FBXL2: variants seen among roughly 807,000 people sequenced by gnomAD.
The protein encoded by FBXL2 is F-box/LRR-repeat protein 2.
Under a neutral mutation model 69.2 loss-of-function variants are expected in FBXL2, and 38 were observed. The ratio of observed to expected loss-of-function variants is 0.55; its 90% confidence interval spans 0.42 to 0.72. The LOEUF (loss-of-function observed/expected upper bound fraction) is 0.72, where lower values mean the gene tolerates loss of function less well. Ranked by LOEUF, FBXL2 falls within the 30% of genes least tolerant of loss-of-function variation. The pLI is 0.00. For missense variants in FBXL2, 354 were observed against 520.3 expected, an observed-to-expected ratio of 0.68 and a Z score of 3.11; for synonymous variants, 192 against 201.3, an observed-to-expected ratio of 0.95 and a Z score of 0.39.
chr3:33,363,308 A>G (rs1476225226), intron 4 of FBXL2, among the ~76,000 whole-genome samples: 2 of 152,174 alleles, frequency 1.3e-5, no homozygotes, highest in African/African-American at 2.4e-5. Context: ...CCCAAAGTGC[A>G]GGGATTACAG....
At chr3:33,289,477 A>G (rs1032118967) in intron 1 of FBXL2, among the ~76,000 whole-genome samples, 1 of 152,218 alleles carries the variant, frequency 6.6e-6, no homozygotes, top group African/African-American at 2.4e-5. Context: ...ATCAGAGTTG[A>G]CACAAAAAAA....
At position 33,400,287 on chromosome 3, in the gene FBXL2, TAAC is replaced by T. The variant is rs1227770267; in HGVS notation, n.1215-2944_1215-2942del. The T allele has an allele frequency of 4.4e-6, 7 of 1,589,138 alleles. No homozygotes were observed. In the Admixed American group the frequency reaches 1.1e-4, roughly 26 times the overall value. The stretch of plus-strand genomic sequence containing the variant: ...CGTAGCTGAAGGCTGAATTTGCTAT[TAAC>T]AATGAAAATGAACATAAATAAAAGG... On this transcript the variant is annotated intron_variant and non_coding_transcript_variant, in intron 12 of 12. Coordinates refer to the FBXL2 transcript ENST00000463736.
chr3:33,303,513 C>T (rs2036464601), intron 2 of FBXL2, among the ~76,000 whole-genome samples: 2 of 152,048 alleles, frequency 1.3e-5, no homozygotes, highest in Non-Finnish European at 1.5e-5. Flanking sequence ...TGCCATGAAA[C>T]ATCAATAGAG....
intron 1 of FBXL2, chr3:33,289,935 A>ATGAT (rs2035054298): frequency 3.7e-6 from 1 of 267,166 alleles, no homozygotes; most frequent in Non-Finnish European, 5.8e-6. Flanking sequence ...AAATCTCTTT[A>ATGAT]TGATTATCTA....
At chr3:33,344,110 CA>C (rs1357244272) in intron 2 of FBXL2, among the ~76,000 whole-genome samples, 4 of 143,914 alleles carry the variant, frequency 2.8e-5, no homozygotes, top group Non-Finnish European at 3.1e-5. Context: ...ACTCATAATA[CA>C]AAAAAAAAGA....
chr3:33,303,871 A>G lies in FBXL2; in HGVS notation c.65+6146A>G, dbSNP rs1317126298. Among the ~76,000 whole-genome samples the G allele has an allele frequency of 2.0e-5, 3 of 152,084 alleles. No homozygotes were observed. In the East Asian group the frequency reaches 5.8e-4, roughly 29 times the overall value. ...ATACAAATGGCTAATAAATGTATAA[A>G]CAGATGCTCAACAAGGCCCATATTT... On this transcript the variant is annotated intron_variant, in intron 2 of 14. Coordinates refer to ENST00000484457, the MANE Select transcript of FBXL2 (RefSeq NM_012157.5).
downstream of FBXL2, chr3:33,392,292 C>T (rs1051657677): frequency 2.3e-5 from 8 of 342,144 alleles, no homozygotes; most frequent in South Asian, 5.0e-4. Flanking sequence ...ATCCACTGAG[C>T]GACAGAAGCA....
intron 2 of FBXL2, among the ~76,000 whole-genome samples, chr3:33,323,556 G>A (rs1394188383): frequency 1.3e-5 from 2 of 152,010 alleles, no homozygotes; most frequent in African/African-American, 2.4e-5. Context: ...GAGAACAGGC[G>A]GTGTTTGGTT....
the FBXL2 span, chr3:33,412,871 G>A: frequency 1.9e-5 from 25 of 1,296,172 alleles, no homozygotes; most frequent in Middle Eastern, 7.4e-4. Flanking sequence ...AACTGCTCCA[G>A]CTAAAATGCA....
At chr3:33,401,727 A>G (rs926139020) in intron 12 of FBXL2, among the ~76,000 whole-genome samples, 2 of 152,216 alleles carry the variant, frequency 1.3e-5, no homozygotes, top group African/African-American at 4.8e-5. Context: ...TTTGGGCACT[A>G]ATGTATCAGA....
intron 13 of FBXL2, among the ~76,000 whole-genome samples, chr3:33,379,622 CT>C (rs934164341): frequency 1.1e-3 from 162 of 143,076 alleles, no homozygotes; most frequent in Middle Eastern, 3.6e-3. Flanking sequence ...CCCAAAACAA[CT>C]TTTTTTTTTT....
chr3:33,367,216 A>C (rs927601686), intron 5 of FBXL2, among the ~76,000 whole-genome samples: 2 of 151,882 alleles, frequency 1.3e-5, no homozygotes, highest in African/African-American at 4.8e-5. Context: ...CAAGTAGCTG[A>C]GATTACAGTC....
chr3:33,385,453 TA>T, intron 14 of FBXL2, 47 bp from the exon 15 acceptor site: 1 of 1,476,310 alleles, frequency 6.8e-7, no homozygotes, highest in Non-Finnish European at 9.5e-7. Flanking sequence ...ACTATAATCC[TA>T]AAAATAGTAA....
intron 5 of FBXL2, among the ~76,000 whole-genome samples, chr3:33,368,905 A>G (rs1038421413): frequency 6.6e-5 from 10 of 151,714 alleles, no homozygotes; most frequent in African/African-American, 1.5e-4. Flanking sequence ...TTTTTATCCA[A>G]TATGACAATC....
chr3:33,369,049 C>G (rs1385623121), intron 5 of FBXL2, among the ~76,000 whole-genome samples: 2 of 143,120 alleles, frequency 1.4e-5, no homozygotes, highest in African/African-American at 5.2e-5. Flanking sequence ...TTTCTTTCTT[C>G]TTTTAGATTT....
Position 33,364,648 on chromosome 3 carries a change from G to T in FBXL2, c.219G>T (p.Ser73=). The part of the protein sequence containing the change: ...DVEGRVVENI[S]KRCGGFLRKL... ...AGGGTCGAGTGGTGGAAAATATCTC[G>T]AAGCGATGCGGTGGATTCCTGAGGA... The change falls in exon 5 of 15, where the codon TCG becomes TCT. Residue 73 remains serine (S), a synonymous_variant. Transcript: ENST00000484457. The T allele has an allele frequency of 6.2e-7, 1 of 1,614,122 alleles. No individual in the cohort carries two copies. The highest frequency in any genetic ancestry group is 2.2e-5 in the East Asian group (1 of 44,894).
chr3:33,305,945 A>G (rs2036675593), intron 2 of FBXL2, among the ~76,000 whole-genome samples: 1 of 152,002 alleles, frequency 6.6e-6, no homozygotes, highest in South Asian at 2.1e-4. Flanking sequence ...TAATCTCACT[A>G]GAAGTTTACC....
chr3:33,305,481 T>G (rs551288398), intron 2 of FBXL2, among the ~76,000 whole-genome samples: 4 of 151,940 alleles, frequency 2.6e-5, no homozygotes, highest in Non-Finnish European at 5.9e-5. Context: ...TGGTAAGGCA[T>G]CTGTATTTTT....
chr3:33,383,751 C>T (rs1041759541), intron 13 of FBXL2: 4 of 499,360 alleles, frequency 8.0e-6, no homozygotes, highest in South Asian at 2.1e-5. Context: ...GTCCTCACTG[C>T]CTGATTAAAT....
Sources: gnomAD v4.1 joint callset for allele counts (sites outside exome capture counted in the v4.1 genomes callset) on GRCh38, gnomAD v4.1.1 for gene constraint, MANE v1.5 for transcripts, NCBI Gene and HGNC (gene_info 2026-07-23, HGNC 2026-07-21) for gene names.